Variants in PDE4DIP observed in about 807,000 individuals in gnomAD.
PDE4DIP encodes the protein myomegalin.
Under a neutral mutation model 221.4 loss-of-function variants are expected in PDE4DIP, and 59 were observed. The ratio of observed to expected loss-of-function variants is 0.27; its 90% CI spans 0.22 to 0.33. The LOEUF (loss-of-function observed/expected upper bound fraction) is 0.33. PDE4DIP is among the 10% of genes least tolerant of loss of function. The probability of loss-of-function intolerance (pLI) is 1.00; values close to 1 mark genes in which losing one functional copy is unlikely to be tolerated. For synonymous variants in PDE4DIP, 404 were observed against 815.9 expected (o/e 0.50, Z 8.60); for missense variants, 1,036 against 2,154.2 (o/e 0.48, Z 10.28).
chr1:149,006,072 G>T (rs1278829235), intron 27 of PDE4DIP, among the ~76,000 whole-genome samples: 2 of 152,280 alleles, frequency 1.3e-5, no homozygotes, highest in African/African-American at 4.8e-5. Context: ...GGTGGAGGTT[G>T]CAGTGAGCCG....
intron 17 of PDE4DIP, among the ~76,000 whole-genome samples, chr1:148,975,273 G>T (rs1413535890): frequency 6.8e-6 from 1 of 147,412 alleles, no homozygotes; most frequent in Non-Finnish European, 1.5e-5. Flanking sequence ...CGTGAAATTA[G>T]ATTTAGAAAC....
At chr1:148,951,837 CTT>C (rs2053372732) in intron 5 of PDE4DIP, 1 of 157,988 alleles carries the variant, frequency 6.3e-6, no homozygotes, top group Non-Finnish European at 1.4e-5. Flanking sequence ...CTCCTCTACT[CTT>C]TTCTGGACAT....
chr1:149,016,924 C>T (rs1387341347), intron 33 of PDE4DIP, among the ~76,000 whole-genome samples: 2 of 152,284 alleles, frequency 1.3e-5, no homozygotes, highest in African/African-American at 4.8e-5. Flanking sequence ...TGTAAGGGTG[C>T]AGCTCCCTGA....
At position 148,907,128 on chromosome 1, in the gene PDE4DIP, T is replaced by G. The variant is rs1356106192; in HGVS notation, c.141+17234T>G. 8.5e-4 allele frequency among the ~76,000 whole-genome samples: 33 copies of G among 38,924 alleles called. No individual in the cohort carries two copies. The East Asian group carries it at 0.076, about 90-fold the overall frequency. The allele number at this position is 38,924 out of a possible 152,430, so 25.5% of individuals were successfully genotyped here. A position where few individuals can be genotyped will look rare whatever the true frequency, so the allele number is the denominator to read the frequency against. On this transcript the variant is annotated intron_variant, in intron 1 of 43. Coordinates refer to ENST00000369354, the Ensembl canonical transcript of PDE4DIP. ...TTGGTGTCCATTTGCATGAAATGTC[T>G]TTTTCCACCCCTTTACCTTAAGTTT...
At chr1:149,032,340 G>A in exon 44 of PDE4DIP, 1 of 560,128 alleles carries the variant, frequency 1.8e-6, no homozygotes, top group South Asian at 2.1e-5. Context: ...CTCATCAGCT[G>A]TCCTGAGATG....
intron 2 of PDE4DIP, chr1:148,931,350 G>C (rs1337887723): frequency 1.6e-5 from 1 of 61,438 alleles, no homozygotes; most frequent in Non-Finnish European, 3.1e-5. Flanking sequence ...ACAACCTGTA[G>C]AATCTAAAAA....
intron 33 of PDE4DIP, among the ~76,000 whole-genome samples, chr1:149,016,850 C>T (rs1188249793): frequency 1.3e-5 from 2 of 152,416 alleles, no homozygotes; most frequent in African/African-American, 2.4e-5. Context: ...CTCTTAGACC[C>T]TTCCAGAATG....
chr1:148,949,044 C>G (rs1553485585), intron 5 of PDE4DIP, among the ~76,000 whole-genome samples: 3 of 152,242 alleles, frequency 2.0e-5, no homozygotes, highest in African/African-American at 7.2e-5. Flanking sequence ...CAAGATGTAT[C>G]CACGTTGCAT....
chr1:148,961,030 G>T (rs587676182), intron 6 of PDE4DIP, among the ~76,000 whole-genome samples: 2 of 152,108 alleles, frequency 1.3e-5, no homozygotes, highest in Non-Finnish European at 1.5e-5. Flanking sequence ...CATGCAGGCC[G>T]GCGCAGTGGC....
At chr1:149,022,961 A>AC (rs2073553296) in intron 37 of PDE4DIP, among the ~76,000 whole-genome samples, 1 of 152,202 alleles carries the variant, frequency 6.6e-6, no homozygotes, top group African/African-American at 2.4e-5. Context: ...AACATCTCTT[A>AC]AAAAATAAGC....
intron 5 of PDE4DIP, among the ~76,000 whole-genome samples, chr1:148,942,487 C>A (rs1197365513): frequency 6.9e-6 from 1 of 144,548 alleles, no homozygotes; most frequent in African/African-American, 2.5e-5. Context: ...ATATCTCCTT[C>A]CAATCCTTCT....
intron 5 of PDE4DIP, among the ~76,000 whole-genome samples, chr1:148,948,467 G>A (rs1476537801): frequency 2.9e-5 from 4 of 139,646 alleles, no homozygotes; most frequent in African/African-American, 5.4e-5. Context: ...GTGAGTCTCC[G>A]TCTCAAAAAA....
In PDE4DIP at chr1:148,986,890, T is replaced by C. The variant is rs187454210; in HGVS notation, c.2816-4995T>C. On this transcript the variant is annotated intron_variant, in intron 21 of 43. Transcript: ENST00000369354. ...ATGAGCAGGAAGAATTTCTTGACAT[T>C]ACAGAATTATGGCATCACAAAATAG... 3.9e-5 allele frequency among the ~76,000 whole-genome samples: 6 copies of C among 152,294 alleles called. No homozygotes were observed. In the East Asian group the frequency reaches 9.7e-4, roughly 25 times the overall value.
chr1:148,985,486 G>A (rs2061754490), intron 21 of PDE4DIP: 1 of 152,088 alleles, frequency 6.6e-6, no homozygotes, highest in Non-Finnish European at 1.5e-5. Context: ...TTGCTTTTAA[G>A]TAATCTAAGT....
At chr1:148,930,751 AAT>A (rs1285372252) in intron 2 of PDE4DIP, 1 of 148,906 alleles carries the variant, frequency 6.7e-6, no homozygotes, top group East Asian at 2.0e-4. Context: ...TGGAAGAATC[AAT>A]ATCATTAAAA....
chr1:148,823,657 A>G, intron 1 of PDE4DIP, among the ~76,000 whole-genome samples: 1 of 150,184 alleles, frequency 6.7e-6, no homozygotes, highest in Non-Finnish European at 1.5e-5. Flanking sequence ...TGATAGTCTA[A>G]TCTGTATTAT....
rs147695175 is a variant in PDE4DIP at position 149,030,824 on chromosome 1, A to G, written c.6999+546A>G. 35,458 of 975,170 alleles carry G rather than the reference A, an allele frequency of 0.036. 1,593 individuals are homozygous for G. In the East Asian group the frequency reaches 0.45, roughly 12 times the overall value. The allele number at this position is 975,170 out of a possible 1,614,324, so 60.4% of individuals were successfully genotyped here. On this transcript the variant is annotated intron_variant, in intron 43 of 43. Transcript: ENST00000369354. The stretch of plus-strand genomic sequence containing the variant: ...GGTCTAAAAGCGAATTTGTTAATAA[A>G]TAACAACTGAACCTTCAGGGAAAAA...
chr1:149,031,892 A>T (rs781807533), intron 43 of PDE4DIP, 52 bp from the exon 47 acceptor site: 1 of 1,557,184 alleles, frequency 6.4e-7, no homozygotes, highest in Non-Finnish European at 8.7e-7. Flanking sequence ...GGTAGCCATC[A>T]GTAGGGCCTG....
chr1:148,984,355 A>C (rs587662642), intron 21 of PDE4DIP: 23 of 152,170 alleles, frequency 1.5e-4, no homozygotes, highest in African/African-American at 5.5e-4. Context: ...TTATATTTTT[A>C]AAAGATGTTT....
Sources: gnomAD v4.1 joint callset for allele counts (sites outside exome capture counted in the v4.1 genomes callset) on GRCh38, gnomAD v4.1.1 for gene constraint, MANE v1.5 for transcripts, NCBI Gene and HGNC (gene_info 2026-07-23, HGNC 2026-07-21) for gene names.